The following KDM5B variants were observed in gnomAD, a reference collection of about 807,000 sequenced individuals.
KDM5B encodes lysine-specific demethylase 5B.
Under a neutral mutation model 193.4 loss-of-function variants are expected in KDM5B, and 144 were observed. The observed-to-expected ratio is 0.74, with a 90% CI of 0.65 to 0.86. The LOEUF (loss-of-function observed/expected upper bound fraction) is 0.86, where lower values mean the gene tolerates loss of function less well. Ranked by LOEUF, KDM5B falls within the 40% of genes least tolerant of loss-of-function variation. The pLI is 0.00. For missense variants in KDM5B, 1,833 were observed against 1,886.9 expected (o/e 0.97, Z 0.53); for synonymous variants, 668 against 682.6 (o/e 0.98, Z 0.33).
At chr1:202,778,288 A>AATAT (rs200300790) in intron 1 of KDM5B, among the ~76,000 whole-genome samples, 1 of 151,876 alleles carries the variant, frequency 6.6e-6, no homozygotes, top group Admixed American at 6.6e-5. Flanking sequence ...CAGACAATTA[A>AATAT]ATATATATAT....
intron 20 of KDM5B, among the ~76,000 whole-genome samples, chr1:202,737,258 T>C (rs556705326): frequency 1.3e-5 from 2 of 152,344 alleles, no homozygotes; most frequent in South Asian, 4.1e-4. Context: ...TTACCATGTA[T>C]AAGAATCATC....
intron 2 of KDM5B, among the ~76,000 whole-genome samples, chr1:202,775,904 A>AT (rs1553358992): frequency 1.5e-5 from 2 of 134,262 alleles, no homozygotes; most frequent in African/African-American, 5.7e-5. Context: ...ATATATATAT[A>AT]ATATATACAC....
At chr1:202,802,884 T>G (rs1658131715) in intron 1 of KDM5B, among the ~76,000 whole-genome samples, 1 of 152,216 alleles carries the variant, frequency 6.6e-6, no homozygotes, top group Non-Finnish European at 1.5e-5. Context: ...TTTAATAATT[T>G]TCTCTTAATT....
rs529638936 is a variant in KDM5B at position 202,736,642 on chromosome 1, TG to T, written c.3085-251del. Among the ~76,000 whole-genome samples, 39 of 151,904 alleles carry T rather than the reference TG, an allele frequency of 2.6e-4. No homozygotes were observed. In the South Asian group the frequency reaches 7.9e-3, roughly 31 times the overall value. On this transcript the variant is annotated intron_variant, in intron 20 of 26. Coordinates refer to ENST00000367265, the MANE Select transcript of KDM5B (RefSeq NM_006618.5). ...TTGTTGGTGGTGGTGGTGGTAGTGT[TG>T]TTTTTTTTTTCTTTTTTTAAGACGG...
intron 1 of KDM5B, among the ~76,000 whole-genome samples, chr1:202,801,850 A>C (rs1299374951): frequency 6.6e-6 from 1 of 152,174 alleles, no homozygotes; most frequent in Non-Finnish European, 1.5e-5. Context: ...GGCTTTCCCA[A>C]GGTATCAACT....
chr1:202,738,354 G>A (rs942864095), intron 20 of KDM5B, among the ~76,000 whole-genome samples: 2 of 152,218 alleles, frequency 1.3e-5, no homozygotes, highest in African/African-American at 4.8e-5. Context: ...GTAAAAAGGA[G>A]GACCATAACT....
chr1:202,742,535 A>G (rs1261593003), intron 17 of KDM5B, 30 bp from the exon 18 acceptor site: 5 of 1,604,240 alleles, frequency 3.1e-6, no homozygotes, highest in East Asian at 2.2e-5. Context: ...AGGAAGCCAT[A>G]TAAGAATACA....
intron 13 of KDM5B, 67 bp downstream of exon 13, chr1:202,750,591 AC>A: frequency 6.4e-7 from 1 of 1,560,232 alleles, no homozygotes; most frequent in Non-Finnish European, 8.8e-7. Context: ...ACACTTTAAA[AC>A]ATTATATTCC....
Position 202,777,047 on chromosome 1 carries a change from C to A in KDM5B, c.252G>T (p.Thr84=), listed in dbSNP as rs760438429. ...FACDVDKLHF[T]PRIQRLNELE... Reference sequence around the variant, plus strand: ...ATTCATTCAGTCTCTGGATACGTGGCGTAAAATGAAGTTTATCAACATCAC... The same window carrying A: ...ATTCATTCAGTCTCTGGATACGTGGAGTAAAATGAAGTTTATCAACATCAC... The change falls in exon 2 of 27, where the codon ACG becomes ACT. Residue 84 remains threonine, a synonymous_variant. Transcript: ENST00000367265. 6.2e-7 allele frequency: 1 copy of A among 1,613,238 alleles called. No individual in the cohort carries two copies. Among genetic ancestry groups the A allele is most frequent in the Non-Finnish European group, 8.5e-7 (1 of 1,179,300 alleles).
intron 1 of KDM5B, among the ~76,000 whole-genome samples, chr1:202,777,613 C>T (rs1453718867): frequency 1.3e-5 from 2 of 152,052 alleles, no homozygotes; most frequent in Non-Finnish European, 2.9e-5. Flanking sequence ...CCACCTCAGC[C>T]TCCCAAGTAT....
chr1:202,729,889 T>C lies in KDM5B; in HGVS notation c.4315A>G (p.Lys1439Glu). ...KMRTPKKKKIKLSHPKDMNNF... is the reference protein window; with the variant it reads ...KMRTPKKKKIELSHPKDMNNF... Reference sequence around the variant, plus strand: ...TTCATGTCCTTGGGGTGGCTCAGTTTGATTTTCTTCTTTTTGGGGGTCCGC... The same window carrying C: ...TTCATGTCCTTGGGGTGGCTCAGTTCGATTTTCTTCTTTTTGGGGGTCCGC... The change falls in exon 26 of 27, where the codon AAA becomes GAA. Residue 1439 changes from lysine to glutamate, a missense_variant. By Grantham distance (56) the Lys-to-Glu change is moderately conservative. Coordinates refer to ENST00000367265, the MANE Select transcript of KDM5B (RefSeq NM_006618.5). 6.2e-7 allele frequency: 1 copy of C among 1,614,198 alleles called. No homozygotes were observed. Among genetic ancestry groups the C allele is most frequent in the Non-Finnish European group, 8.5e-7 (1 of 1,180,020 alleles).
chr1:202,728,864 G>GT lies in KDM5B; in HGVS notation c.*171dup. 1.3e-6 allele frequency: 1 copy of GT among 758,810 alleles called. No homozygotes were observed. Among genetic ancestry groups the GT allele is most frequent in the South Asian group, 2.6e-5 (1 of 38,090 alleles). 47.0% of individuals were successfully genotyped at this position (758,810 alleles called of 1,614,324 possible). A position where few individuals can be genotyped will look rare whatever the true frequency, so the allele number is the denominator to read the frequency against. ...AAAAGTGTCAAAAATTTTTTTAGTT[G>GT]TTTTTTCTTTTCTTCAAAGAGTCCT... On this transcript the variant is annotated 3_prime_UTR_variant, in exon 27 of 27. Transcript: ENST00000367265.
At chr1:202,741,217 C>A in intron 19 of KDM5B, 150 bp downstream of exon 19, 1 of 522,022 alleles carries the variant, frequency 1.9e-6, no homozygotes, top group Non-Finnish European at 3.3e-6. Context: ...CCCAAAGCAG[C>A]TCCAAATATC....
chr1:202,799,411 T>C (rs1657984672), intron 1 of KDM5B, among the ~76,000 whole-genome samples: 5 of 152,114 alleles, frequency 3.3e-5, no homozygotes, highest in Admixed American at 2.6e-4. Context: ...CCCAGCACTT[T>C]GGGAGGCCGA....
intron 4 of KDM5B, among the ~76,000 whole-genome samples, chr1:202,772,538 A>C (rs974902794): frequency 6.6e-6 from 1 of 152,204 alleles, no homozygotes; most frequent in African/African-American, 2.4e-5. Flanking sequence ...TTTAAAGAGA[A>C]TGCAAAGTTG....
chr1:202,736,991 A>G (rs1407332147), intron 20 of KDM5B, among the ~76,000 whole-genome samples: 1 of 152,184 alleles, frequency 6.6e-6, no homozygotes, highest in East Asian at 1.9e-4. Flanking sequence ...AACATGGCAT[A>G]TACTGTGGTC....
chr1:202,781,068 C>T (rs1657178058), intron 1 of KDM5B, among the ~76,000 whole-genome samples: 2 of 152,122 alleles, frequency 1.3e-5, no homozygotes, highest in African/African-American at 4.8e-5. Context: ...ATAATCTCAG[C>T]ACTTTGGGCT....
chr1:202,743,513 G>A (rs1213912754), intron 16 of KDM5B, among the ~76,000 whole-genome samples: 1 of 152,126 alleles, frequency 6.6e-6, no homozygotes, highest in Non-Finnish European at 1.5e-5. Flanking sequence ...AGTTACTAGA[G>A]CACAGGAGAC....
At position 202,729,985 on chromosome 1, in the gene KDM5B, C is replaced by T. The variant is rs1450033567; in HGVS notation, c.4219G>A (p.Glu1407Lys). The change falls in exon 26 of 27, where the codon GAG (glutamate) becomes AAG (lysine). Residue 1407 changes from glutamate (E) to lysine (K), a missense_variant. Transcript: ENST00000367265. ...RGKRDGINSL[E>K]RKLKRRLERE... Reference sequence around the variant, plus strand: ...TCCAGGCGTCTCTTCAGTTTTCTCTCAAGACTGTTAATTCCATCTCGCTTC... The same window carrying T: ...TCCAGGCGTCTCTTCAGTTTTCTCTTAAGACTGTTAATTCCATCTCGCTTC... 1.2e-6 allele frequency: 2 copies of T among 1,613,458 alleles called. No individual in the cohort carries two copies. Among genetic ancestry groups the T allele is most frequent in the East Asian group, 2.2e-5 (1 of 44,892 alleles).
Sources: allele counts gnomAD v4.1 joint callset (sites outside exome capture counted in the v4.1 genomes callset), GRCh38; gene constraint gnomAD v4.1.1; transcripts MANE v1.5; gene names NCBI Gene and HGNC (gene_info 2026-07-23, HGNC 2026-07-21).